The following CDYL variants were observed in gnomAD, a reference collection of about 807,000 sequenced individuals.
The protein encoded by CDYL is chromodomain Y-like protein.
In CDYL, 8 loss-of-function variants were observed where a neutral mutation model predicts 47.3. That is an observed-to-expected ratio of 0.17 (90% CI 0.10 to 0.31). The LOEUF (loss-of-function observed/expected upper bound fraction) is 0.31, where lower values mean the gene tolerates loss of function less well. Among genes scored for constraint, CDYL ranks in the 10% least tolerant of loss-of-function variants. The pLI, the probability that CDYL is intolerant of heterozygous loss-of-function variation, is 1.00. For missense variants in CDYL, 471 were observed against 701.4 expected (o/e 0.67, Z 3.71); for synonymous variants, 266 against 265.0 (o/e 1.00, Z -0.04).
intron 3 of CDYL, among the ~76,000 whole-genome samples, chr6:4,770,436 C>A (rs1458972586): frequency 6.6e-6 from 1 of 152,110 alleles, no homozygotes; most frequent in Non-Finnish European, 1.5e-5. Context: ...TAAATGTTAG[C>A]TATGATTTTT....
intron 1 of CDYL, among the ~76,000 whole-genome samples, chr6:4,857,747 A>C (rs1035616110): frequency 6.6e-6 from 1 of 152,170 alleles, no homozygotes; most frequent in African/African-American, 2.4e-5. Context: ...GTTTCTTGCC[A>C]TGCGCTTCTC....
intron 1 of CDYL, among the ~76,000 whole-genome samples, chr6:4,830,518 A>G (rs1306623946): frequency 1.3e-5 from 2 of 152,136 alleles, no homozygotes; most frequent in Non-Finnish European, 2.9e-5. Context: ...GCTTTTTGTT[A>G]TTTTTAAATT....
At chr6:4,746,628 G>A (rs17280622) in intron 3 of CDYL, among the ~76,000 whole-genome samples, 12,363 of 152,190 alleles carry the variant, frequency 0.081, 567 homozygotes, top group Middle Eastern at 0.099. Context: ...TACCCAGCTC[G>A]GACAATTAGG....
chr6:4,881,287 A>C (rs1054461147), intron 1 of CDYL, among the ~76,000 whole-genome samples: 1 of 151,868 alleles, frequency 6.6e-6, no homozygotes, highest in South Asian at 2.1e-4. Context: ...GAAATTTGAC[A>C]TTTCGTTATA....
chr6:4,758,351 A>AATATATATATATATATATATATAT (rs56250752), intron 3 of CDYL, among the ~76,000 whole-genome samples: 18 of 129,072 alleles, frequency 1.4e-4, no homozygotes, highest in African/African-American at 5.5e-4. Context: ...AAAATAAATA[A>AATATATATATATATATATATATAT]ATATATATAT....
At chr6:4,815,537 A>G (rs534977357) in intron 1 of CDYL, among the ~76,000 whole-genome samples, 73 of 152,312 alleles carry the variant, frequency 4.8e-4, no homozygotes, top group Non-Finnish European at 8.5e-4. Context: ...ATTGCCTTCC[A>G]GTGTATTTGT....
exon 3 of CDYL, chr6:4,734,818 G>A (rs375915779): frequency 1.7e-4 from 281 of 1,614,102 alleles, no homozygotes; most frequent in Non-Finnish European, 2.3e-4. Flanking sequence ...TGAGCAAAGC[G>A]GGGCACAGCA....
chr6:4,776,043 C>T (rs1758429739), upstream of CDYL, among the ~76,000 whole-genome samples: 1 of 150,356 alleles, frequency 6.7e-6, no homozygotes, highest in East Asian at 1.9e-4. Flanking sequence ...GTCCAGGTCC[C>T]GCCTGCCCTG....
intron 1 of CDYL, among the ~76,000 whole-genome samples, chr6:4,794,619 G>C (rs942486948): frequency 6.6e-6 from 1 of 152,124 alleles, no homozygotes; most frequent in African/African-American, 2.4e-5. Context: ...AGGGACAGTG[G>C]CTGGAATGAT....
rs940670154 is a variant in CDYL, at chr6:4,791,197, A to G, written c.24+14390A>G. Among the ~76,000 whole-genome samples, 4 of 152,208 alleles carry G rather than the reference A, an allele frequency of 2.6e-5. No individual in the cohort carries two copies. The South Asian group carries it at 6.2e-4, about 24-fold the overall frequency. On this transcript the variant is annotated intron_variant, in intron 1 of 6. Transcript: ENST00000397588. The stretch of plus-strand genomic sequence containing the variant: ...AAGCATCATATGATCTTTGTCATCA[A>G]TACCACTGTTCACTGTATAACCGAT...
At chr6:4,879,254 A>G (rs1761698851) in intron 1 of CDYL, among the ~76,000 whole-genome samples, 1 of 152,198 alleles carries the variant, frequency 6.6e-6, no homozygotes. Context: ...TCTATCAGTT[A>G]CTAAAAGAGG....
At chr6:4,776,999 G>A (rs969143613) in intron 1 of CDYL, among the ~76,000 whole-genome samples, 192 bp downstream of exon 1, 12 of 149,036 alleles carry the variant, frequency 8.1e-5, no homozygotes, top group African/African-American at 2.9e-4. Flanking sequence ...CGGCCGGGGG[G>A]TCCTGAAGTT....
intron 2 of CDYL, among the ~76,000 whole-genome samples, chr6:4,897,797 T>TTTTTTTTTG (rs1554105996): frequency 6.6e-6 from 1 of 151,140 alleles, no homozygotes; most frequent in African/African-American, 2.4e-5. Context: ...TTTGTTTTTT[T>TTTTTTTTTG]TTTTTAAATT....
chr6:4,723,127 G>A (rs907019125), intron 2 of CDYL, among the ~76,000 whole-genome samples: 1 of 152,110 alleles, frequency 6.6e-6, no homozygotes, highest in East Asian at 1.9e-4. Flanking sequence ...TAAAACTGCA[G>A]TAAAAGTAAT....
At chr6:4,875,731 C>G (rs1439523456) in intron 1 of CDYL, among the ~76,000 whole-genome samples, 1 of 151,842 alleles carries the variant, frequency 6.6e-6, no homozygotes, top group Non-Finnish European at 1.5e-5. Flanking sequence ...TCCTTTTTCC[C>G]TCACCTTTTT....
intron 1 of CDYL, chr6:4,836,322 A>G: frequency 9.8e-6 from 9 of 916,054 alleles, no homozygotes; most frequent in Non-Finnish European, 1.2e-5. Flanking sequence ...AGTTTTAATT[A>G]TTTATTTTAT....
upstream of CDYL, chr6:4,773,204 C>T (rs6929349): frequency 0.028 from 12,689 of 457,240 alleles, 559 homozygotes; most frequent in South Asian, 0.11. This position sits in a 1 kb window ranked among gnomAD's most constrained non-coding sequence, Gnocchi z 4.6. Context: ...TGCTGGTAGA[C>T]GTGTCTTTTA....
At chr6:4,771,013 G>A (rs1758330221) in intron 3 of CDYL, among the ~76,000 whole-genome samples, 1 of 152,108 alleles carries the variant, frequency 6.6e-6, no homozygotes, top group African/African-American at 2.4e-5. Flanking sequence ...ATGTATAATG[G>A]AAACAAAATT....
At chr6:4,895,448 C>T (rs58829873) in intron 2 of CDYL, among the ~76,000 whole-genome samples, 2,205 of 2,732 alleles carry the variant, frequency 0.81, 1,006 homozygotes, top group South Asian at 1. Context: ...CGTATATATG[C>T]ATATATACAT....
Sources: allele counts gnomAD v4.1 joint callset (sites outside exome capture counted in the v4.1 genomes callset), GRCh38; gene constraint gnomAD v4.1.1; non-coding constraint Gnocchi (gnomAD v3.1); transcripts MANE v1.5; gene names NCBI Gene and HGNC (gene_info 2026-07-23, HGNC 2026-07-21).